CCDC88C: variants seen among roughly 807,000 people sequenced by gnomAD.
The protein encoded by CCDC88C is protein Daple.
CCDC88C carries 131 observed loss-of-function variants against 198.8 expected under a neutral mutation model. That is an observed-to-expected ratio of 0.66 (90% CI 0.57 to 0.76). CCDC88C has a LOEUF of 0.76. Among genes scored for constraint, CCDC88C ranks in the 30% least tolerant of loss-of-function variants. The pLI, the probability that CCDC88C is intolerant of heterozygous loss-of-function variation, is 0.00. For missense variants in CCDC88C, 2,553 were observed against 2,631.6 expected, an observed-to-expected ratio of 0.97 and a Z score of 0.65; for synonymous variants, 1,166 against 1,114.7, an observed-to-expected ratio of 1.05 and a Z score of -0.92.
chr14:91,372,832 CAGGCAGGCATCACTTAACCTAGCGACA>C (rs1894882182), intron 3 of CCDC88C, among the ~76,000 whole-genome samples: 1 of 152,180 alleles, frequency 6.6e-6, no homozygotes, highest in African/African-American at 2.4e-5. Context: ...GGTGGCCGGG[CAGGCAGGCATCACTTAACCTAGCGACA>C]ATCAAGCCTG....
intron 3 of CCDC88C, among the ~76,000 whole-genome samples, chr14:91,383,378 G>A (rs1216793474): frequency 6.6e-6 from 1 of 152,160 alleles, no homozygotes; most frequent in Admixed American, 6.5e-5. Context: ...AAAGACTGTC[G>A]TTGTTTCCAC....
In CCDC88C at chr14:91,416,872, A is replaced by C. The variant is rs773085105; in HGVS notation, c.61-34T>G. ...AGGGGGACGAGGAGAGAAAGACAGG[A>C]AGTCACCCCGTGCGCACAAACGGTC... On this transcript the variant is annotated intron_variant, in intron 1 of 29. Transcript: ENST00000389857. The C allele has an allele frequency of 2.0e-6, 3 of 1,490,872 alleles. No individual in the cohort carries two copies. In the Admixed American group the frequency reaches 5.3e-5, roughly 26 times the overall value. The allele number at this position is 1,490,872 out of a possible 1,614,324, so 92.4% of individuals were successfully genotyped here.
rs747778786 is a variant in CCDC88C, at chr14:91,339,873, C to T, written c.624+11G>A. 20 of 1,574,602 alleles carry T rather than the reference C, an allele frequency of 1.3e-5. No individual in the cohort carries two copies. Among genetic ancestry groups the T allele is most frequent in the Admixed American group, 1.8e-5 (1 of 56,046 alleles). ...TCCCAGGCTGACCGGGCCACCGACCCGCGGACGCACCTCGGTGCACTCGTC... is the reference window on the plus strand; with the variant it reads ...TCCCAGGCTGACCGGGCCACCGACCTGCGGACGCACCTCGGTGCACTCGTC... On this transcript the variant is annotated intron_variant, in intron 7 of 29. Coordinates refer to ENST00000389857, the MANE Select transcript of CCDC88C (RefSeq NM_001080414.4). This position sits in a 1 kb window ranked among gnomAD's most constrained non-coding sequence, Gnocchi z 5.8.
Position 91,283,508 on chromosome 14 carries a change from TC to T in CCDC88C, c.4450del (p.Asp1484IlefsTer2). The T allele has an allele frequency of 6.2e-7, 1 of 1,609,232 alleles. No homozygotes were observed. The highest frequency in any genetic ancestry group is 1.1e-5 in the South Asian group (1 of 89,924). On this transcript the variant is annotated frameshift_variant, in exon 26 of 30. Transcript: ENST00000389857. LOFTEE classifies it high-confidence loss of function. ...TGGGGAGCCTCGCTTTGGTTTTAGA[TC>T]CCCAGGGCCTGAGGCAGAAGAGGAC... ...HNGSVGKGPG[D>X]LKPKRGSPHR...
chr14:91,335,739 A>G (rs148475059), intron 10 of CCDC88C, among the ~76,000 whole-genome samples: 1 of 152,334 alleles, frequency 6.6e-6, no homozygotes, highest in East Asian at 1.9e-4. Flanking sequence ...ACAATCGGAA[A>G]GGTTTCAAGT....
intron 23 of CCDC88C, among the ~76,000 whole-genome samples, chr14:91,292,320 C>A (rs1890694820): frequency 6.6e-6 from 1 of 152,200 alleles, no homozygotes; most frequent in Non-Finnish European, 1.5e-5. Flanking sequence ...AGGAAGCCTG[C>A]CAACCCACTG....
chr14:91,409,706 T>TC (rs1233948648), intron 2 of CCDC88C, among the ~76,000 whole-genome samples: 2 of 151,522 alleles, frequency 1.3e-5, no homozygotes, highest in Non-Finnish European at 2.9e-5. Context: ...CAGGCTGGTC[T>TC]CGAACTCTTG....
chr14:91,400,587 T>C (rs1407205676), intron 3 of CCDC88C, among the ~76,000 whole-genome samples: 3 of 152,230 alleles, frequency 2.0e-5, no homozygotes, highest in Non-Finnish European at 4.4e-5. Flanking sequence ...CAGGCAGTCC[T>C]GCTGGAGAGA....
At position 91,339,093 on chromosome 14, in the gene CCDC88C, T is replaced by G. The variant is rs1313527935; in HGVS notation, c.809+185A>C. On this transcript the variant is annotated intron_variant, in intron 8 of 29. Transcript: ENST00000389857. The surrounding 1 kb of genome is among the most constrained non-coding windows in gnomAD (Gnocchi z 5.8). The stretch of plus-strand genomic sequence containing the variant: ...CGGGAAGAATCCCCGCCCCCATCCC[T>G]GTGCAGGCCTCAGAAGGGGAGGCAG... The G allele has an allele frequency of 8.4e-6, 6 of 710,740 alleles. No homozygotes were observed. The highest frequency in any genetic ancestry group is 1.5e-5 in the Non-Finnish European group (6 of 401,276). 44.0% of individuals were successfully genotyped at this position (710,740 alleles called of 1,614,324 possible). A position where few individuals can be genotyped will look rare whatever the true frequency, so the allele number is the denominator to read the frequency against.
At chr14:91,346,738 A>G (rs1374713575) in intron 4 of CCDC88C, among the ~76,000 whole-genome samples, 2 of 152,130 alleles carry the variant, frequency 1.3e-5, no homozygotes, top group Non-Finnish European at 2.9e-5. Context: ...GACTCTACCA[A>G]AGGTACAAAA....
At chr14:91,405,339 A>G (rs2140008159) in intron 3 of CCDC88C, among the ~76,000 whole-genome samples, 1 of 152,300 alleles carries the variant, frequency 6.6e-6, no homozygotes, top group East Asian at 1.9e-4. Flanking sequence ...TGATGTGTCT[A>G]CCAAAAAGCC....
chr14:91,343,898 C>G (rs72701414), intron 4 of CCDC88C, among the ~76,000 whole-genome samples: 1,776 of 152,282 alleles, frequency 0.012, 20 homozygotes, highest in Non-Finnish European at 0.019. Context: ...CAGCTCATTG[C>G]AGCCTTGACC....
rs1209499160 is a variant in CCDC88C, at chr14:91,299,948, C to T, written c.3758G>A (p.Arg1253Lys). ...TCACCTGTCCAGCTCGCCCCGCAGC[C>T]TCTGGTTCTCGCCCATGGCGAGGGC... is the stretch of plus-strand genomic sequence containing the variant. ...TNALAMGENQ[R>K]LRGELDRVNF... The change falls in exon 21 of 30, where the codon AGG (arginine) becomes AAG (lysine). Residue 1253 changes from arginine to lysine, a missense_variant. Around this residue, in one of 2 missense-constraint regions of CCDC88C, gnomAD observed 1,293 missense variants for 1,219.6 expected, o/e 1.06. Coordinates refer to ENST00000389857, the MANE Select transcript of CCDC88C (RefSeq NM_001080414.4). 6.3e-7 allele frequency: 1 copy of T among 1,590,752 alleles called. No homozygotes were observed. The highest frequency in any genetic ancestry group is 2.3e-5 in the East Asian group (1 of 44,308).
chr14:91,308,824 G>A lies in CCDC88C; in HGVS notation c.2865-332C>T, dbSNP rs1016838044. Among the ~76,000 whole-genome samples, 18 of 152,320 alleles carry A rather than the reference G, an allele frequency of 1.2e-4. No individual in the cohort carries two copies. The South Asian group carries it at 2.1e-3, about 18-fold the overall frequency. On this transcript the variant is annotated intron_variant, in intron 16 of 29. Coordinates refer to ENST00000389857, the MANE Select transcript of CCDC88C (RefSeq NM_001080414.4). ...AATTTGCCCAAGGTCACAGTGCTAG[G>A]TTAAGTGGTAAGTCTAAGGCCTTTC...
intron 25 of CCDC88C, among the ~76,000 whole-genome samples, chr14:91,285,083 C>G (rs781329562): frequency 1.2e-4 from 18 of 152,178 alleles, no homozygotes; most frequent in Non-Finnish European, 1.9e-4. Flanking sequence ...GGGCTGAACT[C>G]TGTCTGGGCA....
At chr14:91,379,948 A>AC in intron 3 of CCDC88C, 2 of 702,084 alleles carry the variant, frequency 2.8e-6, no homozygotes, top group South Asian at 3.0e-5. Context: ...ATACAGGCTC[A>AC]CTACGGGGAT....
intron 20 of CCDC88C, among the ~76,000 whole-genome samples, chr14:91,303,149 G>C (rs538893049): frequency 1.1e-4 from 16 of 152,230 alleles, no homozygotes; most frequent in African/African-American, 3.1e-4. Flanking sequence ...CAGCCTGACA[G>C]ACTCCCCAGG....
rs1890534528 is a variant in CCDC88C, at chr14:91,288,903, T to C, written c.4441+202A>G. ...ATCTCAAAAAAATTAAAATAAAATA[T>C]AAAATAAAGTAACAAAAGCATTATG... is the stretch of plus-strand genomic sequence containing the variant. On this transcript the variant is annotated intron_variant, in intron 25 of 29. Coordinates refer to ENST00000389857, the MANE Select transcript of CCDC88C (RefSeq NM_001080414.4). The surrounding 1 kb of genome is among the most constrained non-coding windows in gnomAD (Gnocchi z 4.2). 11 of 509,942 alleles carry C rather than the reference T, an allele frequency of 2.2e-5. No homozygotes were observed. In the South Asian group the frequency reaches 3.0e-4, roughly 14 times the overall value. 31.6% of individuals were successfully genotyped at this position (509,942 alleles called of 1,614,324 possible). A position where few individuals can be genotyped will look rare whatever the true frequency, so the allele number is the denominator to read the frequency against.
Position 91,313,511 on chromosome 14 carries a change from G to C in CCDC88C, c.2305C>G (p.Leu769Val), listed in dbSNP as rs754577307. 1.1e-5 allele frequency: 18 copies of C among 1,608,820 alleles called. No homozygotes were observed. The East Asian group carries it at 2.2e-4, about 20-fold the overall frequency. ...CTCTCCAGGCTCTGCTGCAGCCGGA[G>C]GTTCTCAGCGCTCACGCTCTGGTAG... is the stretch of plus-strand genomic sequence containing the variant. ...LSYQSVSAEN[L>V]RLQQSLESSS... The change falls in exon 15 of 30, where the codon CTC becomes GTC. Residue 769 changes from leucine to valine, a missense_variant. By Grantham distance (32) the Leu-to-Val change is conservative (BLOSUM62 1). Transcript: ENST00000389857. This position sits in a 1 kb window ranked among gnomAD's most constrained non-coding sequence, Gnocchi z 5.2.
Sources: allele counts gnomAD v4.1 joint callset (sites outside exome capture counted in the v4.1 genomes callset), GRCh38; gene constraint gnomAD v4.1.1; regional missense constraint gnomAD v4.1.1; non-coding constraint Gnocchi (gnomAD v3.1); transcripts MANE v1.5; gene names NCBI Gene and HGNC (gene_info 2026-07-23, HGNC 2026-07-21).